Variants in ANO3 observed in about 807,000 individuals in gnomAD.
ANO3 encodes anoctamin 3, also known as anoctamin-3.
A neutral mutation model predicts 144.8 loss-of-function variants in ANO3; 99 were observed. The ratio of observed to expected loss-of-function variants is 0.68; its 90% CI spans 0.58 to 0.81. The LOEUF is 0.81. ANO3 is among the 30% of genes least tolerant of loss of function. The pLI is 0.00. For synonymous variants in ANO3, 414 were observed against 392.6 expected, an observed-to-expected ratio of 1.05 and a Z score of -0.64; for missense variants, 905 against 1,202.2, an observed-to-expected ratio of 0.75 and a Z score of 3.66.
chr11:26,273,938 G>A (rs1048263985), intron 1 of ANO3, among the ~76,000 whole-genome samples: 1 of 152,106 alleles, frequency 6.6e-6, no homozygotes, highest in Non-Finnish European at 1.5e-5. Context: ...CTTCACATAA[G>A]CTGTGATCAT....
At chr11:26,284,838 G>C (rs151262828) in intron 1 of ANO3, among the ~76,000 whole-genome samples, 41 of 152,282 alleles carry the variant, frequency 2.7e-4, no homozygotes, top group African/African-American at 9.9e-4. Flanking sequence ...CTGGGAGGCG[G>C]AGCCTGCAGT....
chr11:26,577,492 G>C (rs1343865074), intron 14 of ANO3, among the ~76,000 whole-genome samples: 1 of 151,614 alleles, frequency 6.6e-6, no homozygotes, highest in African/African-American at 2.4e-5. Context: ...GAACCCGGGA[G>C]GCAGAGGTTG....
At chr11:26,634,513 A>C (rs1171393763) in intron 19 of ANO3, among the ~76,000 whole-genome samples, 198 bp downstream of exon 19, 1 of 152,206 alleles carries the variant, frequency 6.6e-6, no homozygotes, top group East Asian at 1.9e-4. Context: ...TTAAAGAAGC[A>C]AAGAATTTTT....
chr11:26,559,193 A>G (rs1168316735), intron 13 of ANO3: 1 of 152,352 alleles, frequency 6.6e-6, no homozygotes, highest in Non-Finnish European at 1.5e-5. Context: ...TTTTAAAACA[A>G]ATTAAGATGG....
At chr11:26,481,516 T>C (rs1305820891) in intron 4 of ANO3, among the ~76,000 whole-genome samples, 1 of 152,214 alleles carries the variant, frequency 6.6e-6, no homozygotes, top group East Asian at 1.9e-4. Context: ...GCTATATGTT[T>C]ATAACCTATA....
intron 14 of ANO3, among the ~76,000 whole-genome samples, chr11:26,590,623 T>G (rs1259522878): frequency 6.6e-6 from 1 of 152,152 alleles, no homozygotes; most frequent in African/African-American, 2.4e-5. Context: ...CCGTGGGTCA[T>G]GGAAGAGAAC....
At chr11:26,458,626 G>A (rs1859255877) in intron 3 of ANO3, among the ~76,000 whole-genome samples, 1 of 152,078 alleles carries the variant, frequency 6.6e-6, no homozygotes, top group Non-Finnish European at 1.5e-5. Flanking sequence ...TACATTGCCA[G>A]TCTGCAAAGC....
chr11:26,302,774 A>G (rs1170941844), intron 1 of ANO3, among the ~76,000 whole-genome samples: 5 of 152,206 alleles, frequency 3.3e-5, no homozygotes, highest in Non-Finnish European at 5.9e-5. Flanking sequence ...GGACATATAT[A>G]TGTGTTTAGA....
chr11:26,443,872 C>G, intron 3 of ANO3, 36 bp downstream of exon 3: 7 of 1,414,790 alleles, frequency 4.9e-6, no homozygotes, highest in Non-Finnish European at 6.9e-6. Context: ...ACTCCTTTCC[C>G]TCTCTCCAAA....
chr11:26,401,452 T>A (rs1231890281), intron 1 of ANO3, among the ~76,000 whole-genome samples: 1 of 152,070 alleles, frequency 6.6e-6, no homozygotes, highest in South Asian at 2.1e-4. Context: ...GTAACCTTAA[T>A]AGCTGAACAA....
intron 1 of ANO3, among the ~76,000 whole-genome samples, chr11:26,384,696 A>C (rs1856678562): frequency 6.6e-6 from 1 of 152,172 alleles, no homozygotes; most frequent in African/African-American, 2.4e-5. Context: ...TTGTAGGCCA[A>C]GCCACCACAA....
At chr11:26,300,855 C>CTTTTTTTTT (rs376885670) in intron 1 of ANO3, among the ~76,000 whole-genome samples, 52 of 129,010 alleles carry the variant, frequency 4.0e-4, no homozygotes, top group South Asian at 1.4e-3. Context: ...TCTTTTTTTT[C>CTTTTTTTTT]TTTTTTTTTT....
At position 26,598,693 on chromosome 11, in the gene ANO3, C is replaced by A. The variant is rs544403893; in HGVS notation, c.1531-165C>A. 6.6e-5 allele frequency among the ~76,000 whole-genome samples: 10 copies of A among 152,156 alleles called. No individual in the cohort carries two copies. In the East Asian group the frequency reaches 1.9e-3, roughly 29 times the overall value. On this transcript the variant is annotated intron_variant, in intron 15 of 26. Transcript: ENST00000256737. ...AAATTATGCTAATTTCAATACTGCT[C>A]GGGATTTATTTGGAAGGTAATTTGA...
chr11:26,359,954 A>G (rs535276489), intron 1 of ANO3, among the ~76,000 whole-genome samples: 1 of 147,840 alleles, frequency 6.8e-6, no homozygotes, highest in East Asian at 2.1e-4. Context: ...CATATAAATT[A>G]TGTAAATCAA....
intron 8 of ANO3, among the ~76,000 whole-genome samples, chr11:26,532,605 T>A (rs4923363): frequency 0.61 from 92,257 of 151,836 alleles, 28,574 homozygotes; most frequent in East Asian, 0.81. Flanking sequence ...TTTTTTCACC[T>A]TTTACTCACT....
rs777435490 is a variant in ANO3 at position 26,537,455 on chromosome 11, A to G, written c.1026A>G (p.Pro342=). 56 of 1,612,962 alleles carry G rather than the reference A, an allele frequency of 3.5e-5. No homozygotes were observed. In the Admixed American group the frequency reaches 9.0e-4, roughly 26 times the overall value. ...NNGSYIAAFP[P]HEGAYKSSQP... ...GCTCATACATAGCAGCGTTTCCACCACATGAGGTAATTTTGAAATACAGTT... is the reference window on the plus strand; with the variant it reads ...GCTCATACATAGCAGCGTTTCCACCGCATGAGGTAATTTTGAAATACAGTT... Residue 342 remains proline, a synonymous_variant, in exon 10 of 27, where the codon CCA becomes CCG. Coordinates refer to ENST00000256737, the MANE Select transcript of ANO3 (RefSeq NM_031418.4).
chr11:26,215,564 C>T (rs1399582628), intron 1 of ANO3, among the ~76,000 whole-genome samples: 1 of 151,904 alleles, frequency 6.6e-6, no homozygotes, highest in East Asian at 1.9e-4. Context: ...TTTCTAAAAA[C>T]TCTGGTTCCT....
chr11:26,541,969 C>G lies in ANO3; in HGVS notation c.1055C>G (p.Pro352Arg). Residue 352 changes from proline (P) to arginine (R), a missense_variant, in exon 11 of 27, where the codon CCC becomes CGC. This residue lies in a region of ANO3 where 597 missense variants were observed against 865.1 expected (regional missense o/e 0.69). Coordinates refer to ENST00000256737, the MANE Select transcript of ANO3 (RefSeq NM_031418.4). Reference sequence around the variant, plus strand: ...CAGGGAGCCTACAAAAGTAGCCAGCCCATTAAAACCCATGGACCTCAGAAT... The same window carrying G: ...CAGGGAGCCTACAAAAGTAGCCAGCGCATTAAAACCCATGGACCTCAGAAT... Reference protein sequence around the residue: ...PHEGAYKSSQPIKTHGPQNNR... With the variant: ...PHEGAYKSSQRIKTHGPQNNR... 2 of 1,610,904 alleles carry G rather than the reference C, an allele frequency of 1.2e-6. No homozygotes were observed. Among genetic ancestry groups the G allele is most frequent in the Non-Finnish European group, 1.7e-6 (2 of 1,178,290 alleles).
At chr11:26,527,369 A>T (rs1015973424) in intron 7 of ANO3, among the ~76,000 whole-genome samples, 2 of 152,168 alleles carry the variant, frequency 1.3e-5, no homozygotes, top group Non-Finnish European at 2.9e-5. Flanking sequence ...TTATTAAAAT[A>T]TCTTGAACCT....
Sources: gnomAD v4.1 joint callset for allele counts (sites outside exome capture counted in the v4.1 genomes callset) on GRCh38, gnomAD v4.1.1 for gene constraint, gnomAD v4.1.1 regional missense constraint, MANE v1.5 for transcripts, NCBI Gene and HGNC (gene_info 2026-07-23, HGNC 2026-07-21) for gene names.